Variants in EPB41L1 observed in about 807,000 individuals in gnomAD.
EPB41L1 encodes erythrocyte membrane protein band 4.1 like 1.
Under a neutral mutation model 97.8 loss-of-function variants are expected in EPB41L1, and 29 were observed. The ratio of observed to expected loss-of-function variants is 0.30; its 90% confidence interval spans 0.22 to 0.40. The LOEUF is 0.40. Among genes scored for constraint, EPB41L1 ranks in the 10% least tolerant of loss-of-function variants. The probability of loss-of-function intolerance (pLI) is 1.00; values close to 1 mark genes in which losing one functional copy is unlikely to be tolerated. For synonymous variants in EPB41L1, 383 were observed against 459.2 expected (o/e 0.83, Z 2.12); for missense variants, 812 against 1,162.3 (o/e 0.70, Z 4.38).
chr20:36,130,132 G>T (rs1048275091), intron 2 of EPB41L1, among the ~76,000 whole-genome samples: 2 of 151,718 alleles, frequency 1.3e-5, no homozygotes, highest in East Asian at 1.9e-4. Flanking sequence ...AGTAGAGACG[G>T]TATTTCTCCA....
At chr20:36,194,661 C>G (rs144554935) in intron 12 of EPB41L1, among the ~76,000 whole-genome samples, 27 of 152,118 alleles carry the variant, frequency 1.8e-4, no homozygotes, top group African/African-American at 6.3e-4. Context: ...CTTAATTTGC[C>G]CCTCTGACTG....
intron 1 of EPB41L1, among the ~76,000 whole-genome samples, chr20:36,165,227 C>T (rs2060690904): frequency 6.6e-6 from 1 of 151,912 alleles, no homozygotes; most frequent in African/African-American, 2.4e-5. Flanking sequence ...AGTGATTTGC[C>T]TGCCTCGGCC....
chr20:36,214,261 C>T, intron 16 of EPB41L1, 96 bp from the exon 17 acceptor site: 1 of 911,774 alleles, frequency 1.1e-6, no homozygotes, highest in Non-Finnish European at 1.8e-6. Context: ...ACTCACACAG[C>T]CTGTCACTTT....
At chr20:36,203,984 C>A (rs1227986186) in intron 14 of EPB41L1, among the ~76,000 whole-genome samples, 1 of 152,144 alleles carries the variant, frequency 6.6e-6, no homozygotes. Context: ...TGAAAAGGAG[C>A]CCAAGGTCAT....
In EPB41L1 at chr20:36,229,672, A is replaced by G. The variant is rs1213266320; in HGVS notation, c.*332A>G. On this transcript the variant is annotated 3_prime_UTR_variant, in exon 22 of 22. Transcript: ENST00000338074. ...CAAGAAAAAAAATTATATAATAACT[A>G]TAATCCCTTGCTCACCCCTTTCCCC... is the stretch of plus-strand genomic sequence containing the variant. The G allele has an allele frequency of 4.5e-6, 1 of 220,884 alleles. No homozygotes were observed. The highest frequency in any genetic ancestry group is 2.3e-5 in the African/African-American group (1 of 43,612). 13.7% of individuals were successfully genotyped at this position (220,884 alleles called of 1,614,324 possible). A position where few individuals can be genotyped will look rare whatever the true frequency, so the allele number is the denominator to read the frequency against.
chr20:36,148,106 C>T (rs747403319), intron 2 of EPB41L1, among the ~76,000 whole-genome samples: 1 of 152,100 alleles, frequency 6.6e-6, no homozygotes, highest in Non-Finnish European at 1.5e-5. Flanking sequence ...CTCTGGCTTT[C>T]GGTGTGAAGA....
intron 2 of EPB41L1, among the ~76,000 whole-genome samples, chr20:36,121,078 A>C (rs2058737054): frequency 1.3e-5 from 2 of 151,144 alleles, no homozygotes; most frequent in Non-Finnish European, 3.0e-5. Context: ...TGACATGAAA[A>C]AAAAAAAAAA....
chr20:36,097,005 G>A (rs1401532172), intron 1 of EPB41L1, among the ~76,000 whole-genome samples: 4 of 152,224 alleles, frequency 2.6e-5, no homozygotes, highest in East Asian at 1.9e-4. Context: ...AGCACTCACC[G>A]TGGGTCCAGG....
intron 21 of EPB41L1, among the ~76,000 whole-genome samples, chr20:36,222,901 T>G (rs73103409): frequency 0.091 from 13,841 of 152,072 alleles, 817 homozygotes; most frequent in Middle Eastern, 0.13. Flanking sequence ...TTGATTGCAA[T>G]TTTTATATTT....
At chr20:36,205,251 C>G (rs1413876037) in intron 14 of EPB41L1, among the ~76,000 whole-genome samples, 1 of 152,202 alleles carries the variant, frequency 6.6e-6, no homozygotes, top group Non-Finnish European at 1.5e-5. Flanking sequence ...CATTAGGTCA[C>G]AGTTGGCACC....
At chr20:36,111,337 AG>A (rs1278211279) in intron 1 of EPB41L1, among the ~76,000 whole-genome samples, 2 of 152,140 alleles carry the variant, frequency 1.3e-5, no homozygotes, top group African/African-American at 2.4e-5. Context: ...GACTGTTCTG[AG>A]TGTGTGAGTC....
At chr20:36,202,564 T>C (rs931059019) in intron 14 of EPB41L1, among the ~76,000 whole-genome samples, 2 of 151,868 alleles carry the variant, frequency 1.3e-5, no homozygotes, top group African/African-American at 4.8e-5. Context: ...GAGACTGAGT[T>C]GGGTGGATCA....
intron 1 of EPB41L1, among the ~76,000 whole-genome samples, chr20:36,170,595 C>T (rs548454973): frequency 2.0e-5 from 3 of 152,304 alleles, no homozygotes; most frequent in South Asian, 2.1e-4. Context: ...TGGTGTCTAG[C>T]GTGAACCTGA....
intron 3 of EPB41L1, 95 bp from the exon 4 acceptor site, chr20:36,177,856 TG>T: frequency 1.0e-6 from 1 of 995,376 alleles, no homozygotes; most frequent in Non-Finnish European, 1.6e-6. Context: ...GAAAGGCCCT[TG>T]GGGTTTTTGA....
chr20:36,104,362 C>T (rs913847581), intron 1 of EPB41L1, among the ~76,000 whole-genome samples: 1 of 152,142 alleles, frequency 6.6e-6, no homozygotes, highest in Non-Finnish European at 1.5e-5. Context: ...AAGAGCAGAG[C>T]GGAAGCAGAG....
intron 2 of EPB41L1, among the ~76,000 whole-genome samples, chr20:36,114,753 T>C (rs2058532483): frequency 6.6e-6 from 1 of 152,160 alleles, no homozygotes; most frequent in Non-Finnish European, 1.5e-5. Flanking sequence ...GGGAGACTCT[T>C]TTTCTTCTAG....
Position 36,209,431 on chromosome 20 carries a change from CTT to C in EPB41L1, c.1669-55_1669-54del, listed in dbSNP as rs952444859. 3.4e-5 allele frequency: 54 copies of C among 1,573,730 alleles called. No individual in the cohort carries two copies. Among genetic ancestry groups the C allele is most frequent in the Non-Finnish European group, 4.4e-5 (51 of 1,154,208 alleles). ...CCTGACATTCACCATCTTGATTTCTCTTTCTCTCTCTCTCCCCACCCCACATC... is the reference window on the plus strand; with the variant it reads ...CCTGACATTCACCATCTTGATTTCTCTCTCTCTCTCTCCCCACCCCACATC... On this transcript the variant is annotated intron_variant, in intron 14 of 21. Coordinates refer to ENST00000338074, the MANE Select transcript of EPB41L1 (RefSeq NM_012156.2). The surrounding 1 kb of genome is among the most constrained non-coding windows in gnomAD (Gnocchi z 4.2).
At chr20:36,219,694 C>A in intron 18 of EPB41L1, 67 bp from the exon 19 acceptor site, 1 of 1,410,502 alleles carries the variant, frequency 7.1e-7, no homozygotes, top group Non-Finnish European at 1.0e-6. Context: ...CCCCACCCCG[C>A]CCTCACCCCT....
intron 14 of EPB41L1, among the ~76,000 whole-genome samples, chr20:36,202,318 A>G (rs2062541235): frequency 6.6e-6 from 1 of 152,230 alleles, no homozygotes; most frequent in Non-Finnish European, 1.5e-5. Flanking sequence ...TGCCTTTTCA[A>G]ATTAGCAGCC....
Sources: gnomAD v4.1 joint callset for allele counts (sites outside exome capture counted in the v4.1 genomes callset) on GRCh38, gnomAD v4.1.1 for gene constraint, Gnocchi (gnomAD v3.1) non-coding constraint, MANE v1.5 for transcripts, NCBI Gene and HGNC (gene_info 2026-07-23, HGNC 2026-07-21) for gene names.